The following AKAP19 variants were observed in gnomAD, a reference collection of about 807,000 sequenced individuals.
AKAP19 encodes the protein small A-kinase anchoring protein.
chr2:190,150,692 G>A, the AKAP19 span, among the ~76,000 whole-genome samples: 3 of 151,940 alleles, frequency 2.0e-5, no homozygotes, highest in African/African-American at 4.8e-5. Context: ...TGCTCTGTCC[G>A]GAGCTGCAAT....
the AKAP19 span, among the ~76,000 whole-genome samples, chr2:189,943,803 T>C: frequency 6.6e-6 from 1 of 152,224 alleles, no homozygotes; most frequent in Admixed American, 6.5e-5. Flanking sequence ...GGAGATTATT[T>C]TGGAGCTTTA....
chr2:190,088,233 G>A, the AKAP19 span, among the ~76,000 whole-genome samples: 10 of 152,198 alleles, frequency 6.6e-5, no homozygotes, highest in South Asian at 1.2e-3. Flanking sequence ...CCCCATGATC[G>A]TGATATGTCT....
chr2:189,944,225 C>T, the AKAP19 span, among the ~76,000 whole-genome samples: 1 of 152,098 alleles, frequency 6.6e-6, no homozygotes, highest in Non-Finnish European at 1.5e-5. Flanking sequence ...GTGTTTGGCT[C>T]ATAGGGGTGG....
At chr2:189,921,769 C>T in the AKAP19 span, among the ~76,000 whole-genome samples, 3 of 152,168 alleles carry the variant, frequency 2.0e-5, no homozygotes, top group Non-Finnish European at 2.9e-5. Context: ...GTAGTATGAT[C>T]AGCTGGCAGT....
the AKAP19 span, among the ~76,000 whole-genome samples, chr2:190,087,425 G>A: frequency 6.6e-6 from 1 of 152,188 alleles, no homozygotes. Flanking sequence ...GCTAGGGGAG[G>A]CAGCTAACTG....
chr2:190,035,040 AT>A, the AKAP19 span, among the ~76,000 whole-genome samples: 1 of 152,064 alleles, frequency 6.6e-6, no homozygotes, highest in South Asian at 2.1e-4. Flanking sequence ...CCCCCAGATT[AT>A]TTTTTAAAGG....
the AKAP19 span, among the ~76,000 whole-genome samples, chr2:189,959,745 C>G: frequency 1.3e-5 from 2 of 152,126 alleles, no homozygotes; most frequent in African/African-American, 2.4e-5. Flanking sequence ...TGACTTTTCC[C>G]AGGTGTTAAA....
At chr2:189,961,402 C>G in the AKAP19 span, among the ~76,000 whole-genome samples, 2 of 152,042 alleles carry the variant, frequency 1.3e-5, no homozygotes, top group African/African-American at 4.8e-5. Flanking sequence ...GTTTATTGGT[C>G]TCAGAAATAT....
chr2:189,901,497 C>T, the AKAP19 span, among the ~76,000 whole-genome samples: 3 of 152,092 alleles, frequency 2.0e-5, no homozygotes, highest in African/African-American at 7.2e-5. Flanking sequence ...GCCACCACAC[C>T]TGGCTAATTT....
At chr2:189,943,336 G>A in the AKAP19 span, among the ~76,000 whole-genome samples, 1 of 152,222 alleles carries the variant, frequency 6.6e-6, no homozygotes, top group East Asian at 1.9e-4. Flanking sequence ...GAGTATGCAA[G>A]CCATAACCCT....
the AKAP19 span, among the ~76,000 whole-genome samples, chr2:189,973,221 T>G: frequency 1.3e-5 from 2 of 152,238 alleles, no homozygotes; most frequent in Non-Finnish European, 2.9e-5. Flanking sequence ...AAAGGCCTTT[T>G]CTGCATCTAT....
chr2:190,067,967 G>T, the AKAP19 span, among the ~76,000 whole-genome samples: 5 of 152,152 alleles, frequency 3.3e-5, no homozygotes, highest in Non-Finnish European at 7.4e-5. Context: ...TTGGGAGGCT[G>T]AGGCAGATTG....
At chr2:190,146,664 C>T in the AKAP19 span, among the ~76,000 whole-genome samples, 36 of 152,266 alleles carry the variant, frequency 2.4e-4, 1 homozygote, top group African/African-American at 8.2e-4. Flanking sequence ...CAAGCATCCA[C>T]TGTTTTCTGA....
chr2:190,147,342 C>G, the AKAP19 span, among the ~76,000 whole-genome samples: 1 of 152,174 alleles, frequency 6.6e-6, no homozygotes, highest in African/African-American at 2.4e-5. Context: ...ATTCTCTATT[C>G]TGTTCCGTTG....
the AKAP19 span, among the ~76,000 whole-genome samples, chr2:189,982,606 T>G: frequency 6.6e-6 from 1 of 152,196 alleles, no homozygotes; most frequent in Non-Finnish European, 1.5e-5. Context: ...TTCCTCCTCA[T>G]TCAAGGTTAC....
chr2:190,079,169 C>T, the AKAP19 span: 1 of 152,158 alleles, frequency 6.6e-6, no homozygotes, highest in Non-Finnish European at 1.5e-5. Context: ...ATGTCCAAGG[C>T]AGAACTCTTG....
At chr2:189,984,121 G>A in the AKAP19 span, among the ~76,000 whole-genome samples, 1 of 152,182 alleles carries the variant, frequency 6.6e-6, no homozygotes, top group Non-Finnish European at 1.5e-5. Flanking sequence ...AGGTACCATT[G>A]TCATTGATAA....
the AKAP19 span, chr2:190,201,337 G>T: frequency 6.0e-6 from 1 of 166,854 alleles, no homozygotes; most frequent in Admixed American, 6.6e-5. Context: ...AAATTTGGGA[G>T]GGAGAAGAAG....
At chr2:190,099,175 C>G in the AKAP19 span, among the ~76,000 whole-genome samples, 5 of 152,314 alleles carry the variant, frequency 3.3e-5, no homozygotes, top group African/African-American at 1.2e-4. Context: ...TCCTGGCTAA[C>G]TATTTGGCAT....
Sources: gnomAD v4.1 joint callset for allele counts (sites outside exome capture counted in the v4.1 genomes callset) on GRCh38, gnomAD v4.1.1 for gene constraint, MANE v1.5 for transcripts, NCBI Gene and HGNC (gene_info 2026-07-23, HGNC 2026-07-21) for gene names.